The following MYO7B variants were observed in gnomAD, a reference collection of about 807,000 sequenced individuals.
The protein encoded by MYO7B is unconventional myosin-VIIb.
A neutral mutation model predicts 259.7 loss-of-function variants in MYO7B; 212 were observed. That is an observed-to-expected ratio of 0.82 (90% confidence interval 0.73 to 0.91). The LOEUF is 0.91. Ranked by LOEUF, MYO7B falls within the 40% of genes least tolerant of loss-of-function variation. The pLI is 0.00. For synonymous variants in MYO7B, 1,197 were observed against 1,166.4 expected, an observed-to-expected ratio of 1.03 and a Z score of -0.54; for missense variants, 2,732 against 2,813.5, an observed-to-expected ratio of 0.97 and a Z score of 0.66.
At chr2:127,536,916 C>A (rs1382889343) in intron 1 of MYO7B, among the ~76,000 whole-genome samples, 5 of 152,216 alleles carry the variant, frequency 3.3e-5, no homozygotes, top group African/African-American at 1.2e-4. Flanking sequence ...TGTCTTGGGG[C>A]CTGCTGCATC....
intron 1 of MYO7B, among the ~76,000 whole-genome samples, chr2:127,542,370 C>T (rs113583835): frequency 7.4e-4 from 112 of 152,280 alleles, no homozygotes; most frequent in African/African-American, 2.6e-3. Context: ...GTGGGGCTGC[C>T]GCCACTTTCA....
rs887124235 is a variant in MYO7B at position 127,613,795 on chromosome 2, A to T, written c.3398+1192A>T. Among the ~76,000 whole-genome samples the T allele has an allele frequency of 3.3e-5, 5 of 152,242 alleles. No individual in the cohort carries two copies. The highest frequency in any genetic ancestry group is 9.6e-5 in the African/African-American group (4 of 41,472). ...CTCTGTCTCCTCCATGATGAGCAGAAGCTAGAATCCCTTTTTAGTTATTTT... is the reference window on the plus strand; with the variant it reads ...CTCTGTCTCCTCCATGATGAGCAGATGCTAGAATCCCTTTTTAGTTATTTT... On this transcript the variant is annotated intron_variant, in intron 26 of 47. Coordinates refer to ENST00000409816, the MANE Select transcript of MYO7B (RefSeq NM_001393586.1). This position sits in a 1 kb window ranked among gnomAD's most constrained non-coding sequence, Gnocchi z 4.3.
At chr2:127,620,259 A>G in intron 26 of MYO7B, 81 bp from the exon 27 acceptor site, 1 of 1,516,290 alleles carries the variant, frequency 6.6e-7, no homozygotes, top group Non-Finnish European at 9.0e-7. Context: ...AGAGGTGCAC[A>G]AGAGCTGTGT....
At chr2:127,602,589 A>T (rs535584765) in intron 19 of MYO7B, among the ~76,000 whole-genome samples, 3 of 152,290 alleles carry the variant, frequency 2.0e-5, no homozygotes, top group African/African-American at 2.4e-5. Context: ...GTTCAAAGTT[A>T]TGTTGAGCTC....
chr2:127,544,115 C>T (rs1250435366), intron 1 of MYO7B, among the ~76,000 whole-genome samples: 2 of 152,070 alleles, frequency 1.3e-5, no homozygotes, highest in Non-Finnish European at 2.9e-5. Context: ...CTTGCTCTGT[C>T]ACCCAGGCTG....
intron 39 of MYO7B, 68 bp from the exon 40 acceptor site, chr2:127,633,190 A>T: frequency 2.4e-6 from 3 of 1,260,374 alleles, no homozygotes; most frequent in East Asian, 5.0e-5. Context: ...TAGGGCCCAC[A>T]TCGGGGCTGG....
rs777127224 is a variant in MYO7B, at chr2:127,631,196, A to G, written c.4938-10A>G. On this transcript the variant is annotated splice_polypyrimidine_tract_variant and intron_variant, in intron 36 of 47. Transcript: ENST00000409816. ...CAGGGCAGGCCTCACACCAGCCTCT[A>G]ACCTCACAGGGCTCCAGAGAAGGAC... The G allele has an allele frequency of 1.3e-6, 2 of 1,589,398 alleles. No individual in the cohort carries two copies. The highest frequency in any genetic ancestry group is 1.7e-5 in the Admixed American group (1 of 58,836).
chr2:127,588,265 G>C, intron 14 of MYO7B, 127 bp from the exon 15 acceptor site: 1 of 1,063,600 alleles, frequency 9.4e-7, no homozygotes, highest in Non-Finnish European at 1.4e-6. Context: ...GAGCATGGCC[G>C]TAGTGGGGCC....
At chr2:127,555,308 T>C (rs1407506538) in intron 1 of MYO7B, among the ~76,000 whole-genome samples, 1 of 152,222 alleles carries the variant, frequency 6.6e-6, no homozygotes, top group Non-Finnish European at 1.5e-5. Context: ...GGTCTATCAA[T>C]TTTATTTATC....
chr2:127,635,179 T>C lies in MYO7B; in HGVS notation c.5773T>C (p.Ser1925Pro), dbSNP rs759922059. ...YFMRKLWLNI[S>P]PGKDVNADTI... ...CATGCGGAAATTGTGGCTCAACATA[T>C]CTCCAGGGAAGGATGTGAATGCAGA... Residue 1925 changes from serine (S) to proline (P), a missense_variant, in exon 43 of 48, where the codon TCT becomes CCT. By Grantham distance (74) the Ser-to-Pro change is moderately conservative. Coordinates refer to ENST00000409816, the MANE Select transcript of MYO7B (RefSeq NM_001393586.1). 7 of 1,613,614 alleles carry C rather than the reference T, an allele frequency of 4.3e-6. No homozygotes were observed. Among genetic ancestry groups the C allele is most frequent in the Non-Finnish European group, 5.9e-6 (7 of 1,179,760 alleles).
intron 30 of MYO7B, among the ~76,000 whole-genome samples, chr2:127,624,784 G>C (rs1681024237): frequency 6.6e-6 from 1 of 152,216 alleles, no homozygotes. Flanking sequence ...TCTTTTGTAG[G>C]GGATTGTGAG....
intron 18 of MYO7B, 140 bp from the exon 19 acceptor site, chr2:127,596,322 A>C: frequency 3.0e-6 from 2 of 663,188 alleles, no homozygotes; most frequent in South Asian, 3.6e-5. Flanking sequence ...CATCAAGGTC[A>C]CTTTGAGGGC....
chr2:127,637,303 G>C lies in MYO7B; in HGVS notation c.6328-13G>C. 1 of 1,451,052 alleles carries C rather than the reference G, an allele frequency of 6.9e-7. No homozygotes were observed. The highest frequency in any genetic ancestry group is 9.1e-7 in the Non-Finnish European group (1 of 1,100,046). 89.9% of individuals were successfully genotyped at this position (1,451,052 alleles called of 1,614,324 possible). A position where few individuals can be genotyped will look rare whatever the true frequency, so the allele number is the denominator to read the frequency against. ...TGCACCCACAGCCTCTGACCCCCCC[G>C]TCCCCTGTCCAGGGCTATAAGATGG... On this transcript the variant is annotated splice_polypyrimidine_tract_variant and intron_variant, in intron 47 of 47. Coordinates refer to ENST00000409816, the MANE Select transcript of MYO7B (RefSeq NM_001393586.1).
rs58106166 is a variant in MYO7B, at chr2:127,551,110, T to C, written c.-23-8590T>C. Among the ~76,000 whole-genome samples the C allele has an allele frequency of 9.2e-3, 1,395 of 151,990 alleles. 27 individuals are homozygous for C. The highest frequency in any genetic ancestry group is 0.032 in the African/African-American group (1,339 of 41,402). ...GGGTGGGGCTTAAACAATGGAAAAGTATATTCTCCACTGTTCTGGAGGCTA... is the reference window on the plus strand; with the variant it reads ...GGGTGGGGCTTAAACAATGGAAAAGCATATTCTCCACTGTTCTGGAGGCTA... On this transcript the variant is annotated intron_variant, in intron 1 of 47. Transcript: ENST00000409816.
rs1341811537 is a variant in MYO7B at position 127,627,394 on chromosome 2, G to A, written c.4460+84G>A. 5 of 1,414,522 alleles carry A rather than the reference G, an allele frequency of 3.5e-6. No homozygotes were observed. The highest frequency in any genetic ancestry group is 4.9e-6 in the Non-Finnish European group (5 of 1,021,860). 87.6% of individuals were successfully genotyped at this position (1,414,522 alleles called of 1,614,324 possible). Reference sequence around the variant, plus strand: ...GGCTCGGGGAGAGATGGGGAGAGGGGCAGTGTGCCGTCCCGGGTAACAGGC... The same window carrying A: ...GGCTCGGGGAGAGATGGGGAGAGGGACAGTGTGCCGTCCCGGGTAACAGGC... On this transcript the variant is annotated intron_variant, in intron 33 of 47. Transcript: ENST00000409816. The surrounding 1 kb of genome is among the most constrained non-coding windows in gnomAD (Gnocchi z 5.6).
chr2:127,634,556 C>T (rs115658461), intron 41 of MYO7B, 40 bp from the exon 42 acceptor site: 23,620 of 1,557,284 alleles, frequency 0.015, 232 homozygotes, highest in Non-Finnish European at 0.018. Flanking sequence ...GGACAGTCCC[C>T]GGAAGCCACC....
chr2:127,631,763 GGCGGCGGCCA>G lies in MYO7B; in HGVS notation c.5249+13_5249+22del, dbSNP rs767364096. The G allele has an allele frequency of 6.2e-7, 1 of 1,611,242 alleles. No individual in the cohort carries two copies. The highest frequency in any genetic ancestry group is 8.5e-7 in the Non-Finnish European group (1 of 1,179,098). On this transcript the variant is annotated intron_variant, in intron 38 of 47. Coordinates refer to ENST00000409816, the MANE Select transcript of MYO7B (RefSeq NM_001393586.1). Reference sequence around the variant, plus strand: ...CGCACAACTCCAACAGGTCTGCTGGGGCGGCGGCCAGCCCACGCGGGCACCCTCAGTCCTC... The same window carrying G: ...CGCACAACTCCAACAGGTCTGCTGGGGCCCACGCGGGCACCCTCAGTCCTC...
At position 127,597,611 on chromosome 2, in the gene MYO7B, A is replaced by ATATTTATTTATT. The variant is rs36105119; in HGVS notation, c.2339+1085_2339+1096dup. Among the ~76,000 whole-genome samples, 2,446 of 145,874 alleles carry ATATTTATTTATT rather than the reference A, an allele frequency of 0.017. 57 individuals are homozygous for ATATTTATTTATT. Among genetic ancestry groups the ATATTTATTTATT allele is most frequent in the African/African-American group, 0.055 (2,123 of 38,846 alleles). ...TTCATCCAGGTTATTGCTTGCATTA[A>ATATTTATTTATT]TATTTATTTATTTATTTATTTATTT... On this transcript the variant is annotated intron_variant, in intron 19 of 47. Transcript: ENST00000409816. This position sits in a 1 kb window ranked among gnomAD's most constrained non-coding sequence, Gnocchi z 4.8.
rs768016778 is a variant in MYO7B, at chr2:127,592,908, A to T, written c.2107A>T (p.Arg703Trp). The T allele has an allele frequency of 6.2e-7, 1 of 1,605,650 alleles. No homozygotes were observed. The highest frequency in any genetic ancestry group is 1.1e-5 in the South Asian group (1 of 89,272). ...IRYTFEEFSQ[R>W]FGVLLPNAMR... ...CTACACGTTCGAGGAGTTCTCGCAG[A>T]GGTTCGGCGTGTTGCTGCCCAACGC... The change falls in exon 17 of 48, where the codon AGG (arginine) becomes TGG (tryptophan). Residue 703 changes from arginine (R) to tryptophan (W), a missense_variant. Around this residue, in one of 3 missense-constraint regions of MYO7B, gnomAD observed 1,906 missense variants for 2,026.4 expected, o/e 0.94. Transcript: ENST00000409816.
Sources: allele counts gnomAD v4.1 joint callset (sites outside exome capture counted in the v4.1 genomes callset), GRCh38; gene constraint gnomAD v4.1.1; regional missense constraint gnomAD v4.1.1; non-coding constraint Gnocchi (gnomAD v3.1); transcripts MANE v1.5; gene names NCBI Gene and HGNC (gene_info 2026-07-23, HGNC 2026-07-21).